Variants in CLYBL observed in about 807,000 individuals in gnomAD.
CLYBL encodes citramalyl-CoA lyase.
Under a neutral mutation model 38.9 loss-of-function variants are expected in CLYBL, and 31 were observed. The observed-to-expected ratio is 0.80, with a 90% CI of 0.60 to 1.08. The LOEUF is 1.08. Among genes scored for constraint, CLYBL ranks in the 50% least tolerant of loss-of-function variants. The probability of loss-of-function intolerance (pLI) is 0.00; values close to 1 mark genes in which losing one functional copy is unlikely to be tolerated. For missense variants in CLYBL, 434 were observed against 411.6 expected (o/e 1.05, Z -0.47); for synonymous variants, 171 against 158.6 (o/e 1.08, Z -0.59).
At chr13:99,704,599 G>A (rs1420646813) in intron 1 of CLYBL, among the ~76,000 whole-genome samples, 1 of 152,180 alleles carries the variant, frequency 6.6e-6, no homozygotes, top group Non-Finnish European at 1.5e-5. Context: ...AGGGAAACCG[G>A]CCTGTGTTGA....
At chr13:99,796,070 G>A (rs1359536676) in intron 2 of CLYBL, among the ~76,000 whole-genome samples, 1 of 152,184 alleles carries the variant, frequency 6.6e-6, no homozygotes, top group Non-Finnish European at 1.5e-5. Context: ...CAGAGCAAAG[G>A]GAGCCTGAAG....
chr13:99,690,024 CT>C (rs1472379252), intron 1 of CLYBL: 1 of 152,242 alleles, frequency 6.6e-6, no homozygotes, highest in Non-Finnish European at 1.5e-5. Flanking sequence ...TTTGCAAGCT[CT>C]GTGGATGAAA....
chr13:99,732,347 C>T (rs2048606437), intron 1 of CLYBL, among the ~76,000 whole-genome samples: 2 of 151,968 alleles, frequency 1.3e-5, no homozygotes, highest in African/African-American at 4.8e-5. Context: ...GCACATCCCA[C>T]CACACCCGGC....
intron 1 of CLYBL, among the ~76,000 whole-genome samples, chr13:99,621,191 C>A (rs2046790484): frequency 6.6e-6 from 1 of 152,086 alleles, no homozygotes; most frequent in African/African-American, 2.4e-5. Flanking sequence ...GTGCCCACCC[C>A]CTTGGACAGC....
At chr13:99,887,735 A>G (rs1176545314) in intron 7 of CLYBL, among the ~76,000 whole-genome samples, 2 of 152,232 alleles carry the variant, frequency 1.3e-5, no homozygotes, top group Non-Finnish European at 2.9e-5. Context: ...CCTGGGTGAC[A>G]GAGTGAAACC....
rs145069586 is a variant in CLYBL at position 99,850,179 on chromosome 13, A to G, written c.250-8682A>G. 6.6e-3 allele frequency among the ~76,000 whole-genome samples: 1,000 copies of G among 152,364 alleles called. 11 individuals carry two copies. The highest frequency in any genetic ancestry group is 0.023 in the African/African-American group (938 of 41,596). ...AGTAAAATTGTAACTTCTGTGCTTC[A>G]TAGGACACCATCAAGAAAATGAAAA... is the stretch of plus-strand genomic sequence containing the variant. On this transcript the variant is annotated intron_variant, in intron 2 of 8. Transcript: ENST00000339105.
chr13:99,832,683 TG>T (rs2050829174), intron 2 of CLYBL, among the ~76,000 whole-genome samples: 1 of 152,114 alleles, frequency 6.6e-6, no homozygotes, highest in Non-Finnish European at 1.5e-5. Context: ...CTGGGCAAGC[TG>T]GCCATTTACC....
At chr13:99,906,046 T>C (rs1185079508) in intron 9 of CLYBL, among the ~76,000 whole-genome samples, 1 of 152,306 alleles carries the variant, frequency 6.6e-6, no homozygotes, top group East Asian at 1.9e-4. Flanking sequence ...AGTGCTAGGA[T>C]TACAGGCATG....
intron 1 of CLYBL, among the ~76,000 whole-genome samples, chr13:99,720,254 A>G (rs1386694961): frequency 1.3e-5 from 2 of 152,062 alleles, no homozygotes; most frequent in Non-Finnish European, 2.9e-5. Flanking sequence ...GTTAATGGAT[A>G]TTTCTCTGCT....
chr13:99,820,367 T>C (rs988663369), intron 2 of CLYBL, among the ~76,000 whole-genome samples: 1 of 152,184 alleles, frequency 6.6e-6, no homozygotes, highest in African/African-American at 2.4e-5. Flanking sequence ...TAAAAATTTT[T>C]GTCTTTATTG....
At chr13:99,686,332 C>G (rs541357195) in intron 1 of CLYBL, among the ~76,000 whole-genome samples, 2 of 152,198 alleles carry the variant, frequency 1.3e-5, no homozygotes, top group South Asian at 4.1e-4. Context: ...CTGAGCTCAC[C>G]GGCTCGGCCC....
At chr13:99,680,982 G>T (rs1332123960) in intron 1 of CLYBL, among the ~76,000 whole-genome samples, 1 of 152,154 alleles carries the variant, frequency 6.6e-6, no homozygotes, top group Non-Finnish European at 1.5e-5. Flanking sequence ...AATTTGAGTT[G>T]TCCTATAAAT....
chr13:99,794,518 C>A (rs1323306520), intron 2 of CLYBL, among the ~76,000 whole-genome samples: 1 of 151,826 alleles, frequency 6.6e-6, no homozygotes, highest in African/African-American at 2.4e-5. Flanking sequence ...ACATAGTATT[C>A]TTTTCAGTTT....
intron 3 of CLYBL, among the ~76,000 whole-genome samples, chr13:99,860,182 G>C (rs2051566487): frequency 6.6e-6 from 1 of 151,956 alleles, no homozygotes; most frequent in African/African-American, 2.4e-5. Flanking sequence ...ACTCACTGAG[G>C]GGACAAAAAG....
intron 1 of CLYBL, among the ~76,000 whole-genome samples, chr13:99,616,552 G>A (rs1159333842): frequency 6.6e-6 from 1 of 152,190 alleles, no homozygotes; most frequent in African/African-American, 2.4e-5. Flanking sequence ...CACTGGGCCC[G>A]CCCATGGGTG....
chr13:99,638,031 G>A (rs963415083), intron 1 of CLYBL, among the ~76,000 whole-genome samples: 3 of 134,164 alleles, frequency 2.2e-5, no homozygotes, highest in Admixed American at 1.8e-4. Context: ...TGGCACAATC[G>A]CGGTTCACTG....
chr13:99,701,049 C>T lies in CLYBL; in HGVS notation c.63-71775C>T, dbSNP rs1418788483. On this transcript the variant is annotated intron_variant, in intron 1 of 8. Transcript: ENST00000339105. Reference sequence around the variant, plus strand: ...GGATGCTGTAAGACAGCCAGGAGCCCAGGCCGGTTGTCACTTCATCCCAGC... The same window carrying T: ...GGATGCTGTAAGACAGCCAGGAGCCTAGGCCGGTTGTCACTTCATCCCAGC... Among the ~76,000 whole-genome samples, 5 of 152,236 alleles carry T rather than the reference C, an allele frequency of 3.3e-5. No individual in the cohort carries two copies. In the East Asian group the frequency reaches 7.7e-4, roughly 24 times the overall value.
chr13:99,781,037 T>G (rs1281264682), intron 2 of CLYBL, among the ~76,000 whole-genome samples: 1 of 151,772 alleles, frequency 6.6e-6, no homozygotes. Flanking sequence ...TTAATGTAAT[T>G]ACTGACGAGT....
chr13:99,827,144 C>T (rs2050710164), intron 2 of CLYBL, among the ~76,000 whole-genome samples: 1 of 152,188 alleles, frequency 6.6e-6, no homozygotes, highest in Non-Finnish European at 1.5e-5. Flanking sequence ...GCAGATGAGG[C>T]AGGGTCTGGG....
Sources: gnomAD v4.1 joint callset for allele counts (sites outside exome capture counted in the v4.1 genomes callset) on GRCh38, gnomAD v4.1.1 for gene constraint, MANE v1.5 for transcripts, NCBI Gene and HGNC (gene_info 2026-07-23, HGNC 2026-07-21) for gene names.